DNAJC1: variants seen among roughly 807,000 people sequenced by gnomAD.
DNAJC1 encodes the protein DnaJ heat shock protein family (Hsp40) member C1, also known as dnaJ homolog subfamily C member 1.
Under a neutral mutation model 76.6 loss-of-function variants are expected in DNAJC1, and 58 were observed. That is an observed-to-expected ratio of 0.76 (90% CI 0.61 to 0.94). DNAJC1 has a LOEUF of 0.94. Ranked by LOEUF, DNAJC1 falls within the 40% of genes least tolerant of loss-of-function variation. The pLI is 0.00. For synonymous variants in DNAJC1, 258 were observed against 267.9 expected (o/e 0.96, Z 0.36); for missense variants, 689 against 677.3 (o/e 1.02, Z -0.19).
intron 8 of DNAJC1, among the ~76,000 whole-genome samples, chr10:21,874,309 G>C (rs116715093): frequency 3.3e-5 from 5 of 152,188 alleles, no homozygotes; most frequent in African/African-American, 1.2e-4. Flanking sequence ...AGCTACTCAA[G>C]AGGCTGAGGT....
chr10:21,914,277 A>G (rs1836916530), intron 6 of DNAJC1, among the ~76,000 whole-genome samples: 1 of 152,192 alleles, frequency 6.6e-6, no homozygotes, highest in South Asian at 2.1e-4. Flanking sequence ...ATCACTTCTT[A>G]TAATTCTCCC....
intron 1 of DNAJC1, among the ~76,000 whole-genome samples, chr10:21,960,446 G>A (rs149538169): frequency 1.6e-4 from 24 of 152,222 alleles, no homozygotes; most frequent in African/African-American, 4.3e-4. Context: ...AACTAAGGCC[G>A]GGTGCCTATT....
intron 1 of DNAJC1, among the ~76,000 whole-genome samples, chr10:21,961,663 G>C (rs1837794395): frequency 6.6e-6 from 1 of 152,132 alleles, no homozygotes; most frequent in Admixed American, 6.5e-5. Context: ...ATAGGTAATA[G>C]TTGCACAGCA....
intron 7 of DNAJC1, among the ~76,000 whole-genome samples, chr10:21,901,851 TTTAAAA>T (rs1836660462): frequency 6.6e-6 from 1 of 152,218 alleles, no homozygotes; most frequent in African/African-American, 2.4e-5. Flanking sequence ...GATGATGGTC[TTTAAAA>T]TTAAGAAGGA....
intron 9 of DNAJC1, among the ~76,000 whole-genome samples, chr10:21,799,009 G>C (rs1227407541): frequency 6.6e-6 from 1 of 152,242 alleles, no homozygotes; most frequent in Non-Finnish European, 1.5e-5. Context: ...TCTACTGCTA[G>C]AGAAGAAGGA....
intron 8 of DNAJC1, among the ~76,000 whole-genome samples, chr10:21,822,425 C>A (rs371905197): frequency 1.4e-5 from 2 of 147,690 alleles, no homozygotes; most frequent in African/African-American, 2.5e-5. Flanking sequence ...GGTGACACAG[C>A]GAGACTCCGA....
chr10:21,898,117 C>A (rs1013939097), intron 7 of DNAJC1, among the ~76,000 whole-genome samples: 1 of 152,118 alleles, frequency 6.6e-6, no homozygotes, highest in Non-Finnish European at 1.5e-5. Flanking sequence ...CCATTTATAA[C>A]CACTCAAAAT....
intron 3 of DNAJC1, among the ~76,000 whole-genome samples, chr10:21,925,367 G>A (rs1454292195): frequency 6.6e-6 from 1 of 152,090 alleles, no homozygotes; most frequent in African/African-American, 2.4e-5. Context: ...GTACATGACT[G>A]TATTTTCATG....
Position 21,920,903 on chromosome 10 carries a change from CCTGTAGTAGAATACAGG to C in DNAJC1, c.415_431del (p.Pro139AlafsTer9). 2 of 1,612,888 alleles carry C rather than the reference CCTGTAGTAGAATACAGG, an allele frequency of 1.2e-6. No homozygotes were observed. Among genetic ancestry groups the C allele is most frequent in the Non-Finnish European group, 1.7e-6 (2 of 1,179,232 alleles). ...CAGCATTGCTCATTTTTCTCACCCG[CCTGTAGTAGAATACAGG>C]CTGTCGCCAATCTGGAAGTCCATTG... On this transcript the variant is annotated frameshift_variant, in exon 4 of 12. Coordinates refer to ENST00000376980, the MANE Select transcript of DNAJC1 (RefSeq NM_022365.4). LOFTEE classifies it high-confidence loss of function.
At chr10:21,995,835 TATTAC>T (rs1235979746) in intron 1 of DNAJC1, among the ~76,000 whole-genome samples, 1 of 152,222 alleles carries the variant, frequency 6.6e-6, no homozygotes, top group East Asian at 1.9e-4. Flanking sequence ...CTTAATTTAG[TATTAC>T]ATAAGATGGG....
chr10:21,847,654 T>C (rs929522176), intron 8 of DNAJC1, among the ~76,000 whole-genome samples: 1 of 152,184 alleles, frequency 6.6e-6, no homozygotes, highest in Non-Finnish European at 1.5e-5. Context: ...AGATCAAGTT[T>C]TTCAGCTGTC....
intron 8 of DNAJC1, among the ~76,000 whole-genome samples, chr10:21,838,936 ATTAAG>A (rs1250629793): frequency 6.6e-6 from 1 of 152,248 alleles, no homozygotes; most frequent in Non-Finnish European, 1.5e-5. Context: ...AGAACTCGGG[ATTAAG>A]AAACTCACTC....
At chr10:21,902,538 C>G (rs185158310) in intron 7 of DNAJC1, among the ~76,000 whole-genome samples, 175 of 152,282 alleles carry the variant, frequency 1.1e-3, no homozygotes, top group African/African-American at 4.2e-3. Context: ...CTCCTGACCT[C>G]TGGTGATCCG....
At chr10:21,840,190 A>T (rs1423940110) in intron 8 of DNAJC1, among the ~76,000 whole-genome samples, 1 of 152,202 alleles carries the variant, frequency 6.6e-6, no homozygotes, top group Non-Finnish European at 1.5e-5. Context: ...GAAAACTGGC[A>T]CAAGACAGGG....
At position 21,803,674 on chromosome 10, in the gene DNAJC1, A is replaced by G. The variant is rs372023021; in HGVS notation, c.1098+2306T>C. ...ATATGCATGTGTTGGGGGACAGGAG[A>G]GTTATTGAAATGAATAGTCCAGCCA... On this transcript the variant is annotated intron_variant, in intron 9 of 11. Transcript: ENST00000376980. 6 of 220,422 alleles carry G rather than the reference A, an allele frequency of 2.7e-5. No homozygotes were observed. The East Asian group carries it at 7.3e-4, about 27-fold the overall frequency. The allele number at this position is 220,422 out of a possible 1,614,324, so 13.7% of individuals were successfully genotyped here.
chr10:21,976,750 G>A (rs956729169), intron 1 of DNAJC1, among the ~76,000 whole-genome samples: 6 of 152,016 alleles, frequency 3.9e-5, no homozygotes, highest in Admixed American at 3.3e-4. Flanking sequence ...GCAACAAAAC[G>A]CAAACGAGCT....
intron 8 of DNAJC1, among the ~76,000 whole-genome samples, chr10:21,839,739 T>C (rs1486967395): frequency 1.3e-5 from 2 of 152,276 alleles, no homozygotes; most frequent in African/African-American, 4.8e-5. Flanking sequence ...GAATCCTCCC[T>C]AACTCATTTT....
intron 9 of DNAJC1, among the ~76,000 whole-genome samples, chr10:21,799,937 G>A (rs1834795728): frequency 6.6e-6 from 1 of 152,130 alleles, no homozygotes; most frequent in African/African-American, 2.4e-5. Flanking sequence ...AGGGACCTGT[G>A]TCATTCCAAT....
At chr10:21,895,207 G>C (rs1836521960) in intron 7 of DNAJC1, among the ~76,000 whole-genome samples, 2 of 152,192 alleles carry the variant, frequency 1.3e-5, no homozygotes, top group South Asian at 4.1e-4. Flanking sequence ...TGAGAGCTCT[G>C]CAGAAGAGGA....
Sources: gnomAD v4.1 joint callset for allele counts (sites outside exome capture counted in the v4.1 genomes callset) on GRCh38, gnomAD v4.1.1 for gene constraint, MANE v1.5 for transcripts, NCBI Gene and HGNC (gene_info 2026-07-23, HGNC 2026-07-21) for gene names.